ZNF347: variants seen among roughly 807,000 people sequenced by gnomAD.
The protein encoded by ZNF347 is zinc finger protein 347, also known as CTD-2620I22.7.
A neutral mutation model predicts 12.9 loss-of-function variants in ZNF347; 19 were observed. The observed-to-expected ratio is 1.47, with a 90% CI of 1.03 to 2.16. The LOEUF (loss-of-function observed/expected upper bound fraction) is 2.16, where lower values mean the gene tolerates loss of function less well. Ranked by LOEUF, ZNF347 falls within the 30% of genes most tolerant of loss-of-function variation. The probability of loss-of-function intolerance (pLI) is 0.00; values close to 1 mark genes in which losing one functional copy is unlikely to be tolerated. For synonymous variants in ZNF347, 328 were observed against 340.6 expected (o/e 0.96, Z 0.41); for missense variants, 1,005 against 990.6 (o/e 1.01, Z -0.19).
Position 53,149,249 on chromosome 19 carries a change from G to C in ZNF347, c.134C>G (p.Ala45Gly). 5 of 1,612,892 alleles carry C rather than the reference G, an allele frequency of 3.1e-6. No individual in the cohort carries two copies. The highest frequency in any genetic ancestry group is 4.2e-6 in the Non-Finnish European group (5 of 1,179,624). The change falls in exon 3 of 5, where the codon GCC becomes GGC. Residue 45 changes from alanine to glycine, a missense_variant. Coordinates refer to ENST00000334197, the MANE Select transcript of ZNF347 (RefSeq NM_032584.3). The stretch of plus-strand genomic sequence containing the variant: ...AAGAAAGTCATCCTCACCCAGGGAG[G>C]CCAGGTTCCTATAATTCTCCAACAT... ...DVMLENYRNL[A>G]SLGISCFDLS...
At chr19:53,158,433 A>G (rs2090549920) in intron 1 of ZNF347, among the ~76,000 whole-genome samples, 1 of 152,214 alleles carries the variant, frequency 6.6e-6, no homozygotes, top group African/African-American at 2.4e-5. Context: ...GCGGGCGAGG[A>G]CTTTAAAAAG....
rs1282809704 is a variant in ZNF347, at chr19:53,137,558, C to A, written c.*2750G>T. ...CTAAAACTTCATTGTTCAGCATCCT[C>A]ATTTTCCATATCTAAACCAAACTGT... On this transcript the variant is annotated 3_prime_UTR_variant, in exon 5 of 5. Coordinates refer to ENST00000334197, the MANE Select transcript of ZNF347 (RefSeq NM_032584.3). 1 of 152,180 alleles carries A rather than the reference C, an allele frequency of 6.6e-6. No homozygotes were observed. Among genetic ancestry groups the A allele is most frequent in the African/African-American group, 2.4e-5 (1 of 41,440 alleles). 9.4% of individuals were successfully genotyped at this position (152,180 alleles called of 1,614,324 possible).
At position 53,139,497 on chromosome 19, in the gene ZNF347, AC is replaced by A. The variant is rs1333563702; in HGVS notation, c.*810del. On this transcript the variant is annotated 3_prime_UTR_variant, in exon 5 of 5. Coordinates refer to ENST00000334197, the MANE Select transcript of ZNF347 (RefSeq NM_032584.3). ...TCACAAACAGTAGCCTTTTTGAGAA[AC>A]CTCAAACAATGGAATAAAAGATTTT... 6.6e-6 allele frequency: 1 copy of A among 152,202 alleles called. No individual in the cohort carries two copies. Among genetic ancestry groups the A allele is most frequent in the Non-Finnish European group, 1.5e-5 (1 of 68,032 alleles). 9.4% of individuals were successfully genotyped at this position (152,202 alleles called of 1,614,324 possible). A position where few individuals can be genotyped will look rare whatever the true frequency, so the allele number is the denominator to read the frequency against.
rs746694542 is a variant in ZNF347, at chr19:53,142,072, T to C, written c.756A>G (p.Gln252=). The C allele has an allele frequency of 1.9e-6, 3 of 1,613,196 alleles. No individual in the cohort carries two copies. In the Admixed American group the frequency reaches 5.0e-5, roughly 27 times the overall value. The change falls in exon 5 of 5, where the codon CAA becomes CAG. Residue 252 remains glutamine, a synonymous_variant. Transcript: ENST00000334197. The part of the protein sequence containing the change: ...FISSLLLTQG[Q]KANNWGSPYK... The stretch of plus-strand genomic sequence containing the variant: ...AAGGGCTTCCCCAATTATTTGCTTT[T>C]TGCCCCTGTGTGAGTAATAAAGAAG...
intron 2 of ZNF347, among the ~76,000 whole-genome samples, chr19:53,151,363 G>A (rs1298526512): frequency 2.6e-5 from 4 of 151,318 alleles, no homozygotes; most frequent in Admixed American, 2.0e-4. Context: ...GTGAAACTCC[G>A]TCTCTACTAA....
chr19:53,148,818 G>C lies in ZNF347; in HGVS notation c.143-9C>G, dbSNP rs1309240047. 1 of 1,611,530 alleles carries C rather than the reference G, an allele frequency of 6.2e-7. No individual in the cohort carries two copies. Among genetic ancestry groups the C allele is most frequent in the Non-Finnish European group, 8.5e-7 (1 of 1,178,918 alleles). ...GTCAAAACAAGAGATTCCTGCTTAT[G>C]AAAAGAAAGGAAAACAATGGGCTGT... On this transcript the variant is annotated splice_polypyrimidine_tract_variant and intron_variant, in intron 3 of 4. Transcript: ENST00000334197.
At chr19:53,152,884 CA>C (rs1454201001) in intron 2 of ZNF347, among the ~76,000 whole-genome samples, 9 of 151,310 alleles carry the variant, frequency 5.9e-5, no homozygotes, top group Non-Finnish European at 7.4e-5. Flanking sequence ...GGGCTGAGAT[CA>C]TGCCACTGCA....
Position 53,141,210 on chromosome 19 carries a change from G to A in ZNF347, c.1618C>T (p.Pro540Ser), listed in dbSNP as rs1599851704. Residue 540 changes from proline to serine, a missense_variant, in exon 5 of 5, where the codon CCT becomes TCT. Pro to Ser is a moderately conservative substitution (Grantham distance 74, BLOSUM62 -1). Coordinates refer to ENST00000334197, the MANE Select transcript of ZNF347 (RefSeq NM_032584.3). ...NHQRIHTGVK[P>S]YMCNECGKAF... ...TTGCCGCACTCATTACACATATAAG[G>A]CTTCACTCCAGTATGAATTCTTTGA... 1.2e-6 allele frequency: 2 copies of A among 1,608,278 alleles called. No homozygotes were observed. The highest frequency in any genetic ancestry group is 1.3e-5 in the African/African-American group (1 of 74,594).
intron 1 of ZNF347, among the ~76,000 whole-genome samples, chr19:53,155,331 TG>T (rs2090526083): frequency 2.7e-5 from 4 of 147,394 alleles, no homozygotes; most frequent in Admixed American, 1.4e-4. Flanking sequence ...TGTGTGTGTG[TG>T]TGTTTGTTTT....
At chr19:53,146,959 G>C (rs1205877807) in intron 4 of ZNF347, among the ~76,000 whole-genome samples, 1 of 152,172 alleles carries the variant, frequency 6.6e-6, no homozygotes, top group Non-Finnish European at 1.5e-5. Context: ...ATACTGGCTA[G>C]GCATGTTAGC....
chr19:53,140,532 T>C lies in ZNF347; in HGVS notation c.2296A>G (p.Lys766Glu), dbSNP rs749588402. 1.2e-6 allele frequency: 2 copies of C among 1,613,358 alleles called. No homozygotes were observed. The highest frequency in any genetic ancestry group is 1.7e-6 in the Non-Finnish European group (2 of 1,179,750). ...AAGGCTTTGCCACACTCATTACACTTGTAAGGTTTCTCTCCAGTATGAATT... is the reference window on the plus strand; with the variant it reads ...AAGGCTTTGCCACACTCATTACACTCGTAAGGTTTCTCTCCAGTATGAATT... ...RGIHTGEKPYKCNECGKAFSQ... is the reference protein window; with the variant it reads ...RGIHTGEKPYECNECGKAFSQ... Residue 766 changes from lysine (K) to glutamate (E), a missense_variant, in exon 5 of 5, where the codon AAG becomes GAG. Physicochemically the swap from Lys to Glu is moderately conservative, Grantham distance 56 (BLOSUM62 1). Coordinates refer to ENST00000334197, the MANE Select transcript of ZNF347 (RefSeq NM_032584.3).
rs758661006 is a variant in ZNF347 at position 53,137,793 on chromosome 19, T to C, written c.*2515A>G. The C allele has an allele frequency of 2.6e-5, 4 of 152,174 alleles. No individual in the cohort carries two copies. The highest frequency in any genetic ancestry group is 5.9e-5 in the Non-Finnish European group (4 of 68,032). 9.4% of individuals were successfully genotyped at this position (152,174 alleles called of 1,614,324 possible). A position where few individuals can be genotyped will look rare whatever the true frequency, so the allele number is the denominator to read the frequency against. On this transcript the variant is annotated 3_prime_UTR_variant, in exon 5 of 5. Coordinates refer to ENST00000334197, the MANE Select transcript of ZNF347 (RefSeq NM_032584.3). Reference sequence around the variant, plus strand: ...GTGTTATTTTTGTTATTCTGCACTATTTATAATTTCATAATTTTTTTTTTT... The same window carrying C: ...GTGTTATTTTTGTTATTCTGCACTACTTATAATTTCATAATTTTTTTTTTT...
rs546413179 is a variant in ZNF347, at chr19:53,143,185, T to C, written c.272-629A>G. On this transcript the variant is annotated intron_variant, in intron 4 of 4. Transcript: ENST00000334197. Reference sequence around the variant, plus strand: ...CAATCAAAGTTAGTTGATATTGATTTGAGATAAATTGTTAAAAGCTATAGG... The same window carrying C: ...CAATCAAAGTTAGTTGATATTGATTCGAGATAAATTGTTAAAAGCTATAGG... Among the ~76,000 whole-genome samples the C allele has an allele frequency of 3.9e-5, 6 of 152,314 alleles. No individual in the cohort carries two copies. In the South Asian group the frequency reaches 1.2e-3, roughly 32 times the overall value.
In ZNF347 at chr19:53,140,216, AG is replaced by A; in HGVS notation, c.*91del. 7.8e-7 allele frequency: 1 copy of A among 1,276,104 alleles called. No homozygotes were observed. The allele number at this position is 1,276,104 out of a possible 1,614,324, so 79.0% of individuals were successfully genotyped here. On this transcript the variant is annotated 3_prime_UTR_variant, in exon 5 of 5. Coordinates refer to ENST00000334197, the MANE Select transcript of ZNF347 (RefSeq NM_032584.3). ...CACCCAGCCAGTCATTGCATTTTCA[AG>A]GAATCTCTCAGGCATAAATTCTCTG...
At chr19:53,153,914 C>T (rs1187431960) in intron 1 of ZNF347, 121 bp from the exon 2 acceptor site, 4 of 707,812 alleles carry the variant, frequency 5.7e-6, no homozygotes, top group Non-Finnish European at 9.6e-6. Flanking sequence ...CAGGGAAGAC[C>T]TCACCCTGTG....
rs768998540 is a variant in ZNF347, at chr19:53,142,259, G to A, written c.569C>T (p.Ser190Leu). 1.9e-6 allele frequency: 3 copies of A among 1,613,594 alleles called. No individual in the cohort carries two copies. Among genetic ancestry groups the A allele is most frequent in the South Asian group, 2.2e-5 (2 of 90,942 alleles). ...IKNQLGLSLQ[S>L]HLPELQLFQY... Reference sequence around the variant, plus strand: ...AAAAAGCTGCAGTTCAGGCAGATGTGACTGAAGGCTTAATCCAAGCTGATT... The same window carrying A: ...AAAAAGCTGCAGTTCAGGCAGATGTAACTGAAGGCTTAATCCAAGCTGATT... Residue 190 changes from serine (S) to leucine (L), a missense_variant, in exon 5 of 5, where the codon TCA becomes TTA. Transcript: ENST00000334197.
intron 4 of ZNF347, among the ~76,000 whole-genome samples, chr19:53,144,768 TA>T (rs1162377536): frequency 6.6e-6 from 1 of 152,104 alleles, no homozygotes; most frequent in Non-Finnish European, 1.5e-5. Context: ...CCCAAGTAGC[TA>T]AAATTACAGG....
chr19:53,146,166 G>T (rs895767372), intron 4 of ZNF347, among the ~76,000 whole-genome samples: 2 of 151,914 alleles, frequency 1.3e-5, no homozygotes, highest in African/African-American at 2.4e-5. Flanking sequence ...GTAGAGATGG[G>T]GTTTCTCCAT....
In ZNF347 at chr19:53,159,049, G is replaced by T. The variant is rs1023018592; in HGVS notation, c.-87C>A. ...CCGCACCCAACACGATCCGCTTCCG[G>T]AACTGCAGAAAACTGCGCGTGCGCG... On this transcript the variant is annotated 5_prime_UTR_variant, in exon 1 of 5. Transcript: ENST00000334197. 6.6e-6 allele frequency: 1 copy of T among 152,284 alleles called. No homozygotes were observed. The highest frequency in any genetic ancestry group is 1.9e-4 in the East Asian group (1 of 5,174). The allele number at this position is 152,284 out of a possible 1,614,324, so 9.4% of individuals were successfully genotyped here.
Sources: allele counts gnomAD v4.1 joint callset (sites outside exome capture counted in the v4.1 genomes callset), GRCh38; gene constraint gnomAD v4.1.1; transcripts MANE v1.5; gene names NCBI Gene and HGNC (gene_info 2026-07-23, HGNC 2026-07-21).